Variants in ROR1 observed in about 807,000 individuals in gnomAD.
The protein encoded by ROR1 is inactive tyrosine-protein kinase transmembrane receptor ROR1.
Under a neutral mutation model 78.8 loss-of-function variants are expected in ROR1, and 19 were observed. The observed-to-expected ratio is 0.24, with a 90% CI of 0.17 to 0.35. The LOEUF (loss-of-function observed/expected upper bound fraction) is 0.35. Ranked by LOEUF, ROR1 falls within the 10% of genes least tolerant of loss-of-function variation. ROR1 has a pLI of 1.00. For synonymous variants in ROR1, 386 were observed against 433.6 expected (o/e 0.89, Z 1.36); for missense variants, 917 against 1,177.8 (o/e 0.78, Z 3.24).
chr1:64,055,703 A>G (rs749845988), intron 4 of ROR1, among the ~76,000 whole-genome samples: 2 of 152,148 alleles, frequency 1.3e-5, no homozygotes, highest in Non-Finnish European at 2.9e-5. Flanking sequence ...TCTTTTTTTA[A>G]TAACAGTTTT....
chr1:63,959,087 T>A (rs1646006742), intron 1 of ROR1, among the ~76,000 whole-genome samples: 1 of 152,138 alleles, frequency 6.6e-6, no homozygotes, highest in South Asian at 2.1e-4. Context: ...CAGCATGGCT[T>A]AGGAGGCCTC....
At chr1:63,814,781 A>G (rs1177781743) in intron 1 of ROR1, among the ~76,000 whole-genome samples, 1 of 152,170 alleles carries the variant, frequency 6.6e-6, no homozygotes, top group Admixed American at 6.5e-5. Context: ...AGCTGTAAAT[A>G]CAGATGAAGC....
At chr1:63,932,265 T>G (rs1645758815) in intron 1 of ROR1, among the ~76,000 whole-genome samples, 1 of 152,106 alleles carries the variant, frequency 6.6e-6, no homozygotes, top group South Asian at 2.1e-4. Flanking sequence ...GATAGGATTC[T>G]TGGCTGGCCT....
At chr1:64,127,037 T>C (rs1648734855) in intron 4 of ROR1, among the ~76,000 whole-genome samples, 1 of 152,206 alleles carries the variant, frequency 6.6e-6, no homozygotes, top group Non-Finnish European at 1.5e-5. Flanking sequence ...TCAAGTTTGT[T>C]TCCTCAATAT....
chr1:64,067,392 C>T (rs1646965442), intron 4 of ROR1, among the ~76,000 whole-genome samples: 1 of 138,298 alleles, frequency 7.2e-6, no homozygotes, highest in Non-Finnish European at 1.5e-5. Flanking sequence ...CGCGGTGGCT[C>T]ACACCTGTAA....
chr1:64,119,555 C>T (rs1648448072), intron 4 of ROR1, among the ~76,000 whole-genome samples: 1 of 150,210 alleles, frequency 6.7e-6, no homozygotes, highest in Admixed American at 6.7e-5. Flanking sequence ...AGGAGAATCA[C>T]TTGAACCCAG....
At chr1:64,141,988 A>G (rs944369807) in intron 6 of ROR1, among the ~76,000 whole-genome samples, 2 of 152,182 alleles carry the variant, frequency 1.3e-5, no homozygotes, top group South Asian at 2.1e-4. Flanking sequence ...TCTGTGAATT[A>G]CAATACCAAC....
chr1:63,878,704 G>A (rs578159306), intron 1 of ROR1, among the ~76,000 whole-genome samples: 3 of 152,048 alleles, frequency 2.0e-5, no homozygotes, highest in Non-Finnish European at 4.4e-5. Context: ...TAAAGGTGGA[G>A]CCCTGTCTGC....
At chr1:64,129,368 G>C (rs555427791) in intron 4 of ROR1, among the ~76,000 whole-genome samples, 2 of 152,284 alleles carry the variant, frequency 1.3e-5, no homozygotes, top group African/African-American at 2.4e-5. Context: ...ACTTGTGGTA[G>C]AAAATCTGCC....
At chr1:64,028,459 C>G (rs991315809) in intron 2 of ROR1, among the ~76,000 whole-genome samples, 1 of 152,164 alleles carries the variant, frequency 6.6e-6, no homozygotes, top group African/African-American at 2.4e-5. Flanking sequence ...GGCCATGACC[C>G]ACATCTCCTC....
chr1:64,145,221 C>A (rs1649442369), intron 7 of ROR1, among the ~76,000 whole-genome samples: 1 of 152,050 alleles, frequency 6.6e-6, no homozygotes, highest in African/African-American at 2.4e-5. Flanking sequence ...ATGATTCATG[C>A]TTTTGAGGTA....
chr1:64,124,886 G>T (rs889673362), intron 4 of ROR1, among the ~76,000 whole-genome samples: 1 of 152,146 alleles, frequency 6.6e-6, no homozygotes, highest in Non-Finnish European at 1.5e-5. Flanking sequence ...ATTGAATAAC[G>T]ATGTAAGAAA....
At chr1:64,095,067 A>C (rs1288392537) in intron 4 of ROR1, 1 of 152,210 alleles carries the variant, frequency 6.6e-6, no homozygotes, top group Non-Finnish European at 1.5e-5. Context: ...AGTCCTCAGC[A>C]ATCAGTTATT....
chr1:64,018,279 C>T (rs985920021), intron 2 of ROR1, among the ~76,000 whole-genome samples: 1 of 152,046 alleles, frequency 6.6e-6, no homozygotes, highest in African/African-American at 2.4e-5. Flanking sequence ...CCATGGGGCT[C>T]CTCCCTCAGT....
At chr1:63,784,162 T>A (rs1363472455) in intron 1 of ROR1, among the ~76,000 whole-genome samples, 2 of 152,180 alleles carry the variant, frequency 1.3e-5, no homozygotes, top group Non-Finnish European at 2.9e-5. Flanking sequence ...AATCATTTTA[T>A]GTACAGTATT....
At chr1:63,834,804 C>T (rs1287899901) in intron 1 of ROR1, among the ~76,000 whole-genome samples, 1 of 152,088 alleles carries the variant, frequency 6.6e-6, no homozygotes, top group East Asian at 1.9e-4. Context: ...CAAGGCATGT[C>T]GTTGGGCTCG....
chr1:63,896,522 T>G (rs1239890697), intron 1 of ROR1, among the ~76,000 whole-genome samples: 1 of 152,218 alleles, frequency 6.6e-6, no homozygotes, highest in Non-Finnish European at 1.5e-5. Context: ...ATAAACTGAC[T>G]TGTTGGACTT....
At chr1:63,892,666 A>C (rs900360915) in intron 1 of ROR1, among the ~76,000 whole-genome samples, 11 of 152,192 alleles carry the variant, frequency 7.2e-5, no homozygotes, top group Admixed American at 6.5e-5. Context: ...ATGGAAGTCC[A>C]TACTGGACAG....
chr1:63,894,362 G>C lies in ROR1; in HGVS notation c.92-114943G>C, dbSNP rs539422621. On this transcript the variant is annotated intron_variant, in intron 1 of 8. Coordinates refer to ENST00000371079, the MANE Select transcript of ROR1 (RefSeq NM_005012.4). ...CATGGAAACCAAAACTACAGATAAG[G>C]GGGGAGACTACTATATTCTAAAAGT... Among the ~76,000 whole-genome samples, 107 of 152,254 alleles carry C rather than the reference G, an allele frequency of 7.0e-4. 1 individual carries two copies. The highest frequency in any genetic ancestry group is 1.3e-3 in the Non-Finnish European group (86 of 68,020).
Sources: allele counts gnomAD v4.1 joint callset (sites outside exome capture counted in the v4.1 genomes callset), GRCh38; gene constraint gnomAD v4.1.1; transcripts MANE v1.5; gene names NCBI Gene and HGNC (gene_info 2026-07-23, HGNC 2026-07-21).